The following SETD3 variants were observed in gnomAD, a reference collection of about 807,000 sequenced individuals.
SETD3 encodes the protein SET domain containing 3, actin N3(tau)-histidine methyltransferase.
Under a neutral mutation model 63.0 loss-of-function variants are expected in SETD3, and 19 were observed. That is an observed-to-expected ratio of 0.30 (90% confidence interval 0.21 to 0.44). The LOEUF (loss-of-function observed/expected upper bound fraction) is 0.44, where lower values mean the gene tolerates loss of function less well. SETD3 is among the 20% of genes least tolerant of loss of function. The pLI is 1.00. For missense variants in SETD3, 587 were observed against 728.5 expected, an observed-to-expected ratio of 0.81 and a Z score of 2.24; for synonymous variants, 286 against 264.1, an observed-to-expected ratio of 1.08 and a Z score of -0.80.
At chr14:99,416,047 T>C (rs1275301679) in intron 6 of SETD3, among the ~76,000 whole-genome samples, 1 of 152,180 alleles carries the variant, frequency 6.6e-6, no homozygotes, top group African/African-American at 2.4e-5. Flanking sequence ...AAATCTCTGC[T>C]GTCTCTAAAA....
At chr14:99,474,303 C>T (rs1240647056) in intron 1 of SETD3, among the ~76,000 whole-genome samples, 4 of 152,010 alleles carry the variant, frequency 2.6e-5, no homozygotes, top group Non-Finnish European at 5.9e-5. Context: ...CCAGCCTGGG[C>T]GACAGAGTGA....
chr14:99,445,422 T>C (rs200457777), intron 6 of SETD3, among the ~76,000 whole-genome samples: 1 of 152,256 alleles, frequency 6.6e-6, no homozygotes. Context: ...GCTTCCACAC[T>C]GGGCTGCTGA....
intron 3 of SETD3, among the ~76,000 whole-genome samples, chr14:99,463,069 C>T (rs1282158923): frequency 6.6e-6 from 1 of 152,194 alleles, no homozygotes; most frequent in Non-Finnish European, 1.5e-5. Flanking sequence ...GACCACACCT[C>T]TTATTTAACT....
upstream of SETD3, among the ~76,000 whole-genome samples, chr14:99,484,588 TA>T (rs1896437194): frequency 6.6e-6 from 1 of 152,356 alleles, no homozygotes; most frequent in Non-Finnish European, 1.5e-5. Flanking sequence ...AAAGAGTCGC[TA>T]AAAGGTAGAT....
intron 4 of SETD3, among the ~76,000 whole-genome samples, chr14:99,460,790 G>C (rs1006790259): frequency 6.6e-6 from 1 of 152,126 alleles, no homozygotes; most frequent in Non-Finnish European, 1.5e-5. Flanking sequence ...AGTACCTTCA[G>C]CCTCATAGTC....
chr14:99,410,860 G>A (rs1010456843), intron 8 of SETD3, among the ~76,000 whole-genome samples: 1 of 152,196 alleles, frequency 6.6e-6, no homozygotes, highest in African/African-American at 2.4e-5. Flanking sequence ...GAAGCAGACA[G>A]CGTTGCTGGG....
At chr14:99,431,764 T>G (rs1466023953) in intron 6 of SETD3, among the ~76,000 whole-genome samples, 1 of 152,132 alleles carries the variant, frequency 6.6e-6, no homozygotes, top group African/African-American at 2.4e-5. Context: ...GTGCTGGGAT[T>G]ACAGTAGTAG....
At chr14:99,434,866 AAAAAAAAAAAC>A (rs1893388188) in intron 6 of SETD3, among the ~76,000 whole-genome samples, 1 of 150,562 alleles carries the variant, frequency 6.6e-6, no homozygotes, top group African/African-American at 2.4e-5. Flanking sequence ...AAAAAAAAAA[AAAAAAAAAAAC>A]AACCTACATT....
At chr14:99,462,235 A>G (rs536249640) in intron 3 of SETD3, among the ~76,000 whole-genome samples, 1 of 152,352 alleles carries the variant, frequency 6.6e-6, no homozygotes, top group South Asian at 2.1e-4. Flanking sequence ...AGATTCTTGG[A>G]CATCTGTTAT....
Position 99,406,529 on chromosome 14 carries a change from C to T in SETD3, c.911G>A (p.Arg304Gln), listed in dbSNP as rs377382521. The T allele has an allele frequency of 3.0e-5, 48 of 1,614,010 alleles. No homozygotes were observed. The highest frequency in any genetic ancestry group is 3.4e-5 in the Non-Finnish European group (40 of 1,180,032). ...RCECVALQDF[R>Q]AGEQIYIFYG... Reference sequence around the variant, plus strand: ...CACGAGACCCACCTGCTCTCCAGCCCGAAAATCCTGCAGAGCCACACACTC... The same window carrying T: ...CACGAGACCCACCTGCTCTCCAGCCTGAAAATCCTGCAGAGCCACACACTC... Residue 304 changes from arginine to glutamine, a missense_variant, in exon 9 of 13, where the codon CGG becomes CAG. Physicochemically the swap from Arg to Gln is conservative, Grantham distance 43. Transcript: ENST00000331768.
chr14:99,469,729 G>C (rs1292775469), intron 1 of SETD3, among the ~76,000 whole-genome samples: 1 of 152,190 alleles, frequency 6.6e-6, no homozygotes, highest in Non-Finnish European at 1.5e-5. Context: ...CTGGGTGACA[G>C]AGGGAGACCC....
intron 2 of SETD3, among the ~76,000 whole-genome samples, chr14:99,464,038 C>A (rs1018123474): frequency 2.6e-5 from 4 of 152,168 alleles, no homozygotes; most frequent in African/African-American, 9.7e-5. Flanking sequence ...CCTAAGGGAA[C>A]CAGTTAAATT....
intron 6 of SETD3, among the ~76,000 whole-genome samples, chr14:99,431,860 A>G (rs113529315): frequency 0.037 from 5,700 of 152,278 alleles, 351 homozygotes; most frequent in African/African-American, 0.13. Context: ...AGCAACTGCC[A>G]TCCCACAACA....
chr14:99,481,436 T>C, upstream of SETD3: 1 of 398,684 alleles, frequency 2.5e-6, no homozygotes, highest in Non-Finnish European at 4.4e-6. Flanking sequence ...ATGGCCGCAG[T>C]CGGCAAGGAG....
At chr14:99,417,701 G>A (rs150503533) in intron 6 of SETD3, among the ~76,000 whole-genome samples, 34 of 152,284 alleles carry the variant, frequency 2.2e-4, no homozygotes, top group Non-Finnish European at 4.7e-4. Flanking sequence ...CATCTAGTAC[G>A]TGAAACAGCT....
intron 6 of SETD3, among the ~76,000 whole-genome samples, chr14:99,427,252 T>G (rs761076985): frequency 1.3e-5 from 2 of 152,338 alleles, no homozygotes; most frequent in East Asian, 3.9e-4. Context: ...ACTTCTCCAT[T>G]TGACTGGAAG....
At chr14:99,463,179 AAAAGG>A (rs1895170696) in intron 3 of SETD3, among the ~76,000 whole-genome samples, 1 of 152,270 alleles carries the variant, frequency 6.6e-6, no homozygotes, top group Non-Finnish European at 1.5e-5. Context: ...CCTGAAACTC[AAAAGG>A]AAATAACGGT....
chr14:99,420,707 T>G (rs1381432540), intron 6 of SETD3, among the ~76,000 whole-genome samples: 1 of 152,006 alleles, frequency 6.6e-6, no homozygotes. Flanking sequence ...TCCCCAAATC[T>G]CTCTTTAAAC....
intron 8 of SETD3, chr14:99,411,419 GA>G (rs928432256): frequency 2.0e-5 from 3 of 152,158 alleles, no homozygotes; most frequent in Non-Finnish European, 4.4e-5. Context: ...CCAATGGATG[GA>G]AGCTTCGCTA....
Sources: gnomAD v4.1 joint callset for allele counts (sites outside exome capture counted in the v4.1 genomes callset) on GRCh38, gnomAD v4.1.1 for gene constraint, MANE v1.5 for transcripts, NCBI Gene and HGNC (gene_info 2026-07-23, HGNC 2026-07-21) for gene names.